IQCH: variants seen among roughly 807,000 people sequenced by gnomAD.
IQCH encodes IQ domain-containing protein H.
In IQCH, 98 loss-of-function variants were observed where a neutral mutation model predicts 117.0. The ratio of observed to expected loss-of-function variants is 0.84; its 90% CI spans 0.71 to 0.99. IQCH has a LOEUF of 0.99. Among genes scored for constraint, IQCH ranks in the 50% least tolerant of loss-of-function variants. The pLI is 0.00. For missense variants in IQCH, 1,102 were observed against 1,243.8 expected (o/e 0.89, Z 1.72); for synonymous variants, 412 against 448.2 (o/e 0.92, Z 1.02).
intron 6 of IQCH, among the ~76,000 whole-genome samples, chr15:67,350,573 C>T (rs1969612419): frequency 6.6e-6 from 1 of 151,988 alleles, no homozygotes; most frequent in Admixed American, 6.5e-5. Context: ...ACTACAGGCG[C>T]CCGCAACCAC....
chr15:67,474,579 C>T lies in IQCH; in HGVS notation c.2677-1117C>T, dbSNP rs1370237265. On this transcript the variant is annotated intron_variant, in intron 17 of 20. Coordinates refer to ENST00000335894, the MANE Select transcript of IQCH (RefSeq NM_001031715.3). This position sits in a 1 kb window ranked among gnomAD's most constrained non-coding sequence, Gnocchi z 4.1. The stretch of plus-strand genomic sequence containing the variant: ...AAATACATAATGACAGCACTTTGGG[C>T]CTACTATCACCAATCTCTTTGGCAT... Among the ~76,000 whole-genome samples, 2 of 152,128 alleles carry T rather than the reference C, an allele frequency of 1.3e-5. No homozygotes were observed. Among genetic ancestry groups the T allele is most frequent in the South Asian group, 4.1e-4 (2 of 4,824 alleles).
chr15:67,431,690 A>G lies in IQCH; in HGVS notation c.2505+10113A>G, dbSNP rs1463137268. On this transcript the variant is annotated intron_variant, in intron 16 of 20. Transcript: ENST00000335894. The surrounding 1 kb of genome is among the most constrained non-coding windows in gnomAD (Gnocchi z 4.8). ...ATTTCACAGGAAATTGAATAGATAT[A>G]AGGTTCATTAATTATCATAGAATTT... 2.6e-5 allele frequency among the ~76,000 whole-genome samples: 4 copies of G among 152,190 alleles called. No individual in the cohort carries two copies. The highest frequency in any genetic ancestry group is 9.7e-5 in the African/African-American group (4 of 41,444).
Position 67,445,242 on chromosome 15 carries a change from C to T in IQCH, c.2506-19885C>T, listed in dbSNP as rs1318443356. ...TTTATCAAGTTACATGAATCTTTTGCATAAATGGAACTGTTTTAGCAATAT... is the reference window on the plus strand; with the variant it reads ...TTTATCAAGTTACATGAATCTTTTGTATAAATGGAACTGTTTTAGCAATAT... On this transcript the variant is annotated intron_variant, in intron 16 of 20. Transcript: ENST00000335894. The surrounding 1 kb of genome is among the most constrained non-coding windows in gnomAD (Gnocchi z 4.3). Among the ~76,000 whole-genome samples the T allele has an allele frequency of 1.3e-5, 2 of 152,130 alleles. No individual in the cohort carries two copies. The highest frequency in any genetic ancestry group is 4.8e-5 in the African/African-American group (2 of 41,408).
chr15:67,469,200 A>G (rs2083009954), intron 17 of IQCH, among the ~76,000 whole-genome samples: 1 of 152,050 alleles, frequency 6.6e-6, no homozygotes, highest in Non-Finnish European at 1.5e-5. Context: ...TGGTCACTGG[A>G]CATTTGGAGT....
Position 67,436,550 on chromosome 15 carries a change from A to C in IQCH, c.2505+14973A>C, listed in dbSNP as rs1178209170. Among the ~76,000 whole-genome samples the C allele has an allele frequency of 3.3e-5, 5 of 152,208 alleles. No individual in the cohort carries two copies. In the East Asian group the frequency reaches 9.6e-4, roughly 29 times the overall value. On this transcript the variant is annotated intron_variant, in intron 16 of 20. Coordinates refer to ENST00000335894, the MANE Select transcript of IQCH (RefSeq NM_001031715.3). This position sits in a 1 kb window ranked among gnomAD's most constrained non-coding sequence, Gnocchi z 5.1. Reference sequence around the variant, plus strand: ...AGCTAAAGTTTGTAACAACTTGAACAGGGTGAGAAGCCTCCTGGCGAGAAC... The same window carrying C: ...AGCTAAAGTTTGTAACAACTTGAACCGGGTGAGAAGCCTCCTGGCGAGAAC...
At chr15:67,363,403 A>T (rs920064184) in intron 8 of IQCH, among the ~76,000 whole-genome samples, 70 of 142,946 alleles carry the variant, frequency 4.9e-4, no homozygotes, top group Middle Eastern at 3.5e-3. Flanking sequence ...ACCCAGCTAA[A>T]TTTTTTTTTT....
intron 4 of IQCH, among the ~76,000 whole-genome samples, chr15:67,319,390 G>C (rs556720820): frequency 4.6e-5 from 7 of 152,108 alleles, no homozygotes. Context: ...TATTTCATGG[G>C]CTTTAGTGTG....
At chr15:67,276,403 C>T (rs1303467166) in intron 3 of IQCH, among the ~76,000 whole-genome samples, 2 of 152,200 alleles carry the variant, frequency 1.3e-5, no homozygotes, top group African/African-American at 4.8e-5. Context: ...CCTTGAGACA[C>T]AAGGAACAGC....
chr15:67,291,570 T>A (rs1966753051), intron 4 of IQCH, among the ~76,000 whole-genome samples: 1 of 152,190 alleles, frequency 6.6e-6, no homozygotes, highest in African/African-American at 2.4e-5. Flanking sequence ...TTGATCTAAT[T>A]AAGAAAGGTG....
At chr15:67,383,185 C>G (rs1970996846) in intron 10 of IQCH, among the ~76,000 whole-genome samples, 1 of 152,156 alleles carries the variant, frequency 6.6e-6, no homozygotes, top group East Asian at 1.9e-4. Context: ...TTATAAAGCA[C>G]TTTGCAGCTT....
rs551325504 is a variant in IQCH at position 67,406,998 on chromosome 15, T to C, written c.2097+6693T>C. 4 of 152,348 alleles carry C rather than the reference T, an allele frequency of 2.6e-5. No homozygotes were observed. In the East Asian group the frequency reaches 7.7e-4, roughly 29 times the overall value. 9.4% of individuals were successfully genotyped at this position (152,348 alleles called of 1,614,324 possible). A position where few individuals can be genotyped will look rare whatever the true frequency, so the allele number is the denominator to read the frequency against. On this transcript the variant is annotated intron_variant, in intron 14 of 20. Transcript: ENST00000335894. The surrounding 1 kb of genome is among the most constrained non-coding windows in gnomAD (Gnocchi z 4.5). ...AAGTACATACAACTTAATCTTTCTT[T>C]GGTGATTCAGAAGGTTCTTTAGGCT...
At position 67,395,714 on chromosome 15, in the gene IQCH, AT is replaced by A; in HGVS notation, c.1905+154del. 3.9e-6 allele frequency: 1 copy of A among 258,656 alleles called. No individual in the cohort carries two copies. Among genetic ancestry groups the A allele is most frequent in the Non-Finnish European group, 7.1e-6 (1 of 141,056 alleles). The allele number at this position is 258,656 out of a possible 1,614,324, so 16.0% of individuals were successfully genotyped here. ...TTGAGGGAATCTACTTTATTTATTT[AT>A]TTATTTATTTATTTATTTATTTTTG... On this transcript the variant is annotated intron_variant, in intron 13 of 20. Coordinates refer to ENST00000335894, the MANE Select transcript of IQCH (RefSeq NM_001031715.3). The surrounding 1 kb of genome is among the most constrained non-coding windows in gnomAD (Gnocchi z 4.0).
Position 67,395,246 on chromosome 15 carries a change from G to C in IQCH, c.1633-45G>C. 6.3e-7 allele frequency: 1 copy of C among 1,581,572 alleles called. No individual in the cohort carries two copies. The highest frequency in any genetic ancestry group is 8.6e-7 in the Non-Finnish European group (1 of 1,163,380). On this transcript the variant is annotated intron_variant, in intron 12 of 20. Transcript: ENST00000335894. This position sits in a 1 kb window ranked among gnomAD's most constrained non-coding sequence, Gnocchi z 4.0. The stretch of plus-strand genomic sequence containing the variant: ...CATTATAAATTAGGTGTATGGACTA[G>C]AAAAAAGGACACCTTTTAACAAGAA...
In IQCH at chr15:67,447,176, A is replaced by C. The variant is rs113874707; in HGVS notation, c.2506-17951A>C. Among the ~76,000 whole-genome samples, 1,437 of 152,286 alleles carry C rather than the reference A, an allele frequency of 9.4e-3. 35 individuals carry two copies. Among genetic ancestry groups the C allele is most frequent in the African/African-American group, 0.031 (1,302 of 41,544 alleles). On this transcript the variant is annotated intron_variant, in intron 16 of 20. Transcript: ENST00000335894. This position sits in a 1 kb window ranked among gnomAD's most constrained non-coding sequence, Gnocchi z 5.3. ...CATAAAATGGGAGTATGAATACCAA[A>C]CCCATAAAGTTGTTCGGAGGATGAT...
rs187366082 is a variant in IQCH at position 67,358,015 on chromosome 15, T to C, written c.714+594T>C. Among the ~76,000 whole-genome samples, 97 of 151,400 alleles carry C rather than the reference T, an allele frequency of 6.4e-4. 1 individual carries two copies. Among genetic ancestry groups the C allele is most frequent in the Admixed American group, 4.3e-3 (66 of 15,234 alleles). On this transcript the variant is annotated intron_variant, in intron 7 of 20. Transcript: ENST00000335894. ...CTGGGATTACAGGTGCCTACCACCATGCCCGGCTAATTTTTGTATTTTTAG... is the reference window on the plus strand; with the variant it reads ...CTGGGATTACAGGTGCCTACCACCACGCCCGGCTAATTTTTGTATTTTTAG...
chr15:67,290,394 A>T (rs543615258), intron 4 of IQCH, among the ~76,000 whole-genome samples: 1 of 152,072 alleles, frequency 6.6e-6, no homozygotes, highest in Admixed American at 6.6e-5. Context: ...TTAAGCAAAA[A>T]TCTCTGCTTA....
At chr15:67,307,234 TTTTA>T in intron 4 of IQCH, 1 of 745,022 alleles carries the variant, frequency 1.3e-6, no homozygotes. Context: ...ACTTAGAATC[TTTTA>T]TTTATTCATG....
chr15:67,338,601 A>G (rs1969008067), intron 5 of IQCH, among the ~76,000 whole-genome samples: 1 of 152,206 alleles, frequency 6.6e-6, no homozygotes, highest in Non-Finnish European at 1.5e-5. Context: ...AAGACTAATA[A>G]CATGCAGAAG....
rs531133500 is a variant in IQCH at position 67,372,290 on chromosome 15, C to G, written c.933C>G (p.Asn311Lys). The part of the protein sequence containing the change: ...LLEHVEKFLR[N>K]YAIPEVKIKG... ...AACACGTCGAGAAGTTTCTCAGGAA[C>G]TATGCTATACCAGAAGTCAAAATAA... Residue 311 changes from asparagine (N) to lysine (K), a missense_variant, in exon 9 of 21, where the codon AAC becomes AAG. Asn to Lys is a moderately conservative substitution (Grantham distance 94). This residue lies in a region of IQCH where 452 missense variants were observed against 449.6 expected (regional missense o/e 1.01). Coordinates refer to ENST00000335894, the MANE Select transcript of IQCH (RefSeq NM_001031715.3). 2 of 1,614,072 alleles carry G rather than the reference C, an allele frequency of 1.2e-6. No homozygotes were observed. The highest frequency in any genetic ancestry group is 2.7e-5 in the African/African-American group (2 of 75,004).
Sources: gnomAD v4.1 joint callset for allele counts (sites outside exome capture counted in the v4.1 genomes callset) on GRCh38, gnomAD v4.1.1 for gene constraint, gnomAD v4.1.1 regional missense constraint, Gnocchi (gnomAD v3.1) non-coding constraint, MANE v1.5 for transcripts, NCBI Gene and HGNC (gene_info 2026-07-23, HGNC 2026-07-21) for gene names.